Variants in CDKL4 observed in about 807,000 individuals in gnomAD.
CDKL4 encodes cyclin-dependent kinase-like 4.
Under a neutral mutation model 42.0 loss-of-function variants are expected in CDKL4, and 44 were observed. The observed-to-expected ratio is 1.05, with a 90% confidence interval of 0.82 to 1.35. The LOEUF (loss-of-function observed/expected upper bound fraction) is 1.35, where lower values mean the gene tolerates loss of function less well. Among genes scored for constraint, CDKL4 ranks in the 40% most tolerant of loss-of-function variants. The pLI is 0.00. For missense variants in CDKL4, 393 were observed against 369.9 expected (o/e 1.06, Z -0.51); for synonymous variants, 120 against 121.6 (o/e 0.99, Z 0.09).
At chr2:39,208,206 C>T (rs558769452) in intron 4 of CDKL4, among the ~76,000 whole-genome samples, 12 of 151,614 alleles carry the variant, frequency 7.9e-5, no homozygotes, top group Admixed American at 3.9e-4. Flanking sequence ...ATACAGCATT[C>T]ACCTACTCCA....
intron 7 of CDKL4, among the ~76,000 whole-genome samples, chr2:39,185,464 A>G (rs1476159734): frequency 7.8e-6 from 1 of 128,364 alleles, no homozygotes; most frequent in East Asian, 2.2e-4. Flanking sequence ...ATATGTGTAT[A>G]TATATATATA....
At chr2:39,202,837 A>C (rs1240897388) in intron 5 of CDKL4, among the ~76,000 whole-genome samples, 1 of 152,174 alleles carries the variant, frequency 6.6e-6, no homozygotes, top group Non-Finnish European at 1.5e-5. Flanking sequence ...TGCCTTTCTC[A>C]TTATAAATGG....
chr2:39,181,546 T>C (rs1029935224), intron 8 of CDKL4, among the ~76,000 whole-genome samples: 1 of 150,740 alleles, frequency 6.6e-6, no homozygotes, highest in Admixed American at 6.6e-5. Context: ...CGCAAAAATA[T>C]GTATGTTGAA....
chr2:39,213,699 C>T (rs1262892227), intron 3 of CDKL4, among the ~76,000 whole-genome samples: 1 of 150,618 alleles, frequency 6.6e-6, no homozygotes, highest in African/African-American at 2.5e-5. Flanking sequence ...ATGATGCATG[C>T]TTATGAAGAT....
chr2:39,187,709 C>A, exon 7 of CDKL4: 1 of 1,602,000 alleles, frequency 6.2e-7, no homozygotes, highest in Non-Finnish European at 8.5e-7. Flanking sequence ...GATTAATTTT[C>A]CTGTAAAATA....
the CDKL4 span, among the ~76,000 whole-genome samples, chr2:39,170,079 G>T: frequency 6.6e-6 from 1 of 151,978 alleles, no homozygotes; most frequent in East Asian, 1.9e-4. Context: ...GCCCAGGCTA[G>T]TCTCAAACTC....
At chr2:39,209,150 A>AAT (rs1488605099) in intron 4 of CDKL4, among the ~76,000 whole-genome samples, 3 of 73,100 alleles carry the variant, frequency 4.1e-5, no homozygotes, top group African/African-American at 9.8e-5. Context: ...AAAAAAAAAA[A>AAT]TTTTTTTTTT....
intron 1 of CDKL4, among the ~76,000 whole-genome samples, chr2:39,231,179 T>A (rs1462060315): frequency 1.3e-5 from 2 of 151,946 alleles, no homozygotes; most frequent in Admixed American, 1.3e-4. Flanking sequence ...ACCACTGCAC[T>A]CCAGCCTGGG....
At chr2:39,229,286 C>A in intron 2 of CDKL4, 79 bp downstream of exon 2, 1 of 1,066,452 alleles carries the variant, frequency 9.4e-7, no homozygotes. Flanking sequence ...GGGAAAATAA[C>A]TTTAAAATTC....
At chr2:39,195,992 A>T (rs969114459) in intron 5 of CDKL4, among the ~76,000 whole-genome samples, 46 of 151,966 alleles carry the variant, frequency 3.0e-4, no homozygotes, top group African/African-American at 1.1e-3. Flanking sequence ...GAATCCACAG[A>T]CCCTTTGAAG....
chr2:39,246,339 C>T (rs955050034), upstream of CDKL4, among the ~76,000 whole-genome samples: 15 of 152,328 alleles, frequency 9.8e-5, no homozygotes, highest in Middle Eastern at 3.4e-3. Flanking sequence ...CTATCCAATT[C>T]CTATATAATT....
intron 8 of CDKL4, 74 bp downstream of exon 8, chr2:39,184,517 C>T: frequency 2.0e-6 from 2 of 1,009,474 alleles, no homozygotes; most frequent in Non-Finnish European, 1.5e-6. Flanking sequence ...ATCCACTGTC[C>T]ACCCCTCCTC....
intron 1 of CDKL4, among the ~76,000 whole-genome samples, chr2:39,234,662 T>C (rs1679269056): frequency 6.6e-6 from 1 of 152,156 alleles, no homozygotes; most frequent in African/African-American, 2.4e-5. Context: ...CCAAGACATA[T>C]TTGAATAAAA....
At chr2:39,178,387 G>C (rs369263044) in intron 9 of CDKL4, among the ~76,000 whole-genome samples, 3 of 152,302 alleles carry the variant, frequency 2.0e-5, no homozygotes, top group African/African-American at 7.2e-5. Flanking sequence ...AGCCTCTGAT[G>C]AATTGGAAAT....
chr2:39,231,213 A>G (rs1195590801), intron 1 of CDKL4, among the ~76,000 whole-genome samples: 2 of 86,278 alleles, frequency 2.3e-5, no homozygotes, highest in Non-Finnish European at 3.0e-5. Context: ...CTCCATCTCA[A>G]AAACAAAAAC....
intron 1 of CDKL4, among the ~76,000 whole-genome samples, chr2:39,241,569 C>T (rs191860689): frequency 1.3e-5 from 2 of 152,280 alleles, no homozygotes; most frequent in Admixed American, 1.3e-4. Flanking sequence ...TACGCCGTGG[C>T]CCCAATTTAC....
chr2:39,211,364 G>A (rs1177156763), intron 4 of CDKL4, among the ~76,000 whole-genome samples: 1 of 152,140 alleles, frequency 6.6e-6, no homozygotes, highest in Non-Finnish European at 1.5e-5. Flanking sequence ...CTCCAGCCTG[G>A]GCAGTAGAGC....
chr2:39,225,886 T>A, exon 3 of CDKL4: 1 of 1,612,022 alleles, frequency 6.2e-7, no homozygotes, highest in Non-Finnish European at 8.5e-7. Context: ...GATCACAGTA[T>A]TCAAAAACTA....
At chr2:39,183,838 T>C (rs17023400) in intron 8 of CDKL4, among the ~76,000 whole-genome samples, 11,035 of 152,046 alleles carry the variant, frequency 0.073, 1,373 homozygotes, top group African/African-American at 0.25. Flanking sequence ...TCAGGAGGAC[T>C]TAGGTTGAAG....
Sources: allele counts gnomAD v4.1 joint callset (sites outside exome capture counted in the v4.1 genomes callset), GRCh38; gene constraint gnomAD v4.1.1; transcripts MANE v1.5; gene names NCBI Gene and HGNC (gene_info 2026-07-23, HGNC 2026-07-21).